The following MEF2C variants were observed in gnomAD, a reference collection of about 807,000 sequenced individuals.
MEF2C encodes the protein myocyte enhancer factor 2C, also known as myocyte-specific enhancer factor 2C.
Under a neutral mutation model 50.5 loss-of-function variants are expected in MEF2C, and 6 were observed. The observed-to-expected ratio is 0.12, with a 90% confidence interval of 0.07 to 0.23. The LOEUF (loss-of-function observed/expected upper bound fraction) is 0.23. MEF2C is among the 10% of genes least tolerant of loss of function. The pLI is 1.00. For synonymous variants in MEF2C, 183 were observed against 228.0 expected, an observed-to-expected ratio of 0.80 and a Z score of 1.78; for missense variants, 276 against 605.0, an observed-to-expected ratio of 0.46 and a Z score of 5.70.
intron 1 of MEF2C, among the ~76,000 whole-genome samples, chr5:88,902,850 A>G (rs930739098): frequency 1.7e-4 from 26 of 151,460 alleles, no homozygotes; most frequent in Admixed American, 9.9e-4. Context: ...ATCAATGTAT[A>G]CTGTTGTTTC....
At chr5:88,801,872 G>A (rs1798521881) in intron 3 of MEF2C, among the ~76,000 whole-genome samples, 2 of 152,146 alleles carry the variant, frequency 1.3e-5, no homozygotes, top group South Asian at 4.1e-4. Context: ...CAGTGATGCA[G>A]CACTTTGAAA....
intron 1 of MEF2C, among the ~76,000 whole-genome samples, chr5:88,859,726 A>G (rs1393873950): frequency 6.6e-6 from 1 of 152,270 alleles, no homozygotes; most frequent in Non-Finnish European, 1.5e-5. Context: ...CTTTGCAGAC[A>G]TGACAGATGT....
chr5:88,867,139 C>T (rs768430779), intron 1 of MEF2C, among the ~76,000 whole-genome samples: 14 of 152,162 alleles, frequency 9.2e-5, no homozygotes, highest in Non-Finnish European at 1.6e-4. Context: ...TTCACATCAA[C>T]AATGTGGAAG....
At chr5:88,731,130 G>T (rs1033969566) in intron 7 of MEF2C, among the ~76,000 whole-genome samples, 4 of 151,990 alleles carry the variant, frequency 2.6e-5, no homozygotes, top group Admixed American at 1.3e-4. Context: ...TATAACCTTT[G>T]TTCCTAAAAT....
chr5:88,877,349 G>A (rs1435343867), intron 1 of MEF2C, among the ~76,000 whole-genome samples: 1 of 151,802 alleles, frequency 6.6e-6, no homozygotes, highest in Non-Finnish European at 1.5e-5. Context: ...GAATTATGGC[G>A]ATGACAAATA....
At chr5:88,769,159 C>G (rs1273589320) in intron 3 of MEF2C, among the ~76,000 whole-genome samples, 2 of 152,162 alleles carry the variant, frequency 1.3e-5, no homozygotes, top group Non-Finnish European at 2.9e-5. Context: ...TAGGAAAGAG[C>G]ACAGGGAAAT....
rs554793415 is a variant in MEF2C, at chr5:88,775,834, T to G, written c.259-14506A>C. ...CTGAAAAATGGAAGGGTATAGAGAGTATTTTTGTGTGTGTGATTTATATAC... is the reference window on the plus strand; with the variant it reads ...CTGAAAAATGGAAGGGTATAGAGAGGATTTTTGTGTGTGTGATTTATATAC... On this transcript the variant is annotated intron_variant, in intron 3 of 10. Coordinates refer to ENST00000504921, the MANE Select transcript of MEF2C (RefSeq NM_002397.5). The G allele has an allele frequency of 2.0e-4, 200 of 982,490 alleles. No homozygotes were observed. The African/African-American group carries it at 3.3e-3, about 16-fold the overall frequency. 60.9% of individuals were successfully genotyped at this position (982,490 alleles called of 1,614,324 possible). A position where few individuals can be genotyped will look rare whatever the true frequency, so the allele number is the denominator to read the frequency against.
At chr5:88,753,196 T>G (rs1159259302) in intron 4 of MEF2C, among the ~76,000 whole-genome samples, 1 of 152,214 alleles carries the variant, frequency 6.6e-6, no homozygotes, top group Non-Finnish European at 1.5e-5. Context: ...CTGTGTAATA[T>G]TTCTCTGTTT....
intron 2 of MEF2C, among the ~76,000 whole-genome samples, chr5:88,810,795 A>AG (rs1802454080): frequency 6.6e-6 from 1 of 152,128 alleles, no homozygotes; most frequent in Non-Finnish European, 1.5e-5. Flanking sequence ...ATGGGTATAT[A>AG]GGAAGGCAGG....
chr5:88,770,890 A>T (rs1782086426), intron 3 of MEF2C, among the ~76,000 whole-genome samples: 1 of 152,204 alleles, frequency 6.6e-6, no homozygotes. Flanking sequence ...TGTGTGTATT[A>T]GCTTGTTCTC....
chr5:88,759,450 C>G (rs958825951), intron 4 of MEF2C, among the ~76,000 whole-genome samples: 1 of 151,694 alleles, frequency 6.6e-6, no homozygotes, highest in Non-Finnish European at 1.5e-5. Context: ...CCATTGCACT[C>G]CAGCCTGGGC....
intron 1 of MEF2C, among the ~76,000 whole-genome samples, chr5:88,872,005 A>G (rs1369390340): frequency 6.6e-6 from 1 of 152,078 alleles, no homozygotes; most frequent in Admixed American, 6.6e-5. Flanking sequence ...TTTATTCAAC[A>G]AATATCTATA....
At position 88,804,591 on chromosome 5, in the gene MEF2C, C is replaced by T. The variant is rs372739987; in HGVS notation, c.258+7G>A. 6.2e-6 allele frequency: 10 copies of T among 1,613,340 alleles called. No homozygotes were observed. Among genetic ancestry groups the T allele is most frequent in the Middle Eastern group, 1.7e-4 (1 of 5,756 alleles). ...AGGCTTGGGGCTCACCACGCATGCT[C>T]TCTCACCTCCACGATGTCTGAGTTT... On this transcript the variant is annotated splice_region_variant and intron_variant, in intron 3 of 10. Transcript: ENST00000504921.
intron 2 of MEF2C, among the ~76,000 whole-genome samples, chr5:88,821,659 A>T (rs925657715): frequency 6.6e-6 from 1 of 151,558 alleles, no homozygotes; most frequent in Non-Finnish European, 1.5e-5. Flanking sequence ...AGAAGGACAC[A>T]TTTTGCATGT....
chr5:88,832,788 C>A (rs1272212100), intron 1 of MEF2C, among the ~76,000 whole-genome samples: 1 of 152,108 alleles, frequency 6.6e-6, no homozygotes, highest in Non-Finnish European at 1.5e-5. Flanking sequence ...ATCAATTACC[C>A]TACTTTCTTG....
At chr5:88,756,726 A>G (rs1179265001) in intron 4 of MEF2C, among the ~76,000 whole-genome samples, 1 of 152,208 alleles carries the variant, frequency 6.6e-6, no homozygotes, top group Non-Finnish European at 1.5e-5. Context: ...AGAAATTGGC[A>G]TTATTCTTTT....
rs1169605093 is a variant in MEF2C, at chr5:88,797,454, C to CTTTTTTT, written c.258+7143_258+7144insAAAAAAA. On this transcript the variant is annotated intron_variant, in intron 3 of 10. Coordinates refer to ENST00000504921, the MANE Select transcript of MEF2C (RefSeq NM_002397.5). ...TCACAGACTAGGATTGCAACCCTTG[C>CTTTTTTT]CTTTTTTTTTTTTTTTTTTTTTTTT... 6.2e-3 allele frequency among the ~76,000 whole-genome samples: 156 copies of CTTTTTTT among 25,218 alleles called. 50 individuals are homozygous for CTTTTTTT. Among genetic ancestry groups the CTTTTTTT allele is most frequent in the Non-Finnish European group, 0.011 (114 of 10,732 alleles). 16.5% of individuals were successfully genotyped at this position (25,218 alleles called of 152,430 possible).
chr5:88,820,756 G>A (rs1020207784), intron 2 of MEF2C, among the ~76,000 whole-genome samples: 1 of 151,930 alleles, frequency 6.6e-6, no homozygotes, highest in Admixed American at 6.6e-5. Context: ...CCAGGTTACG[G>A]GTGCCTCTAC....
At chr5:88,858,381 G>GGAATAAAGGGGGT (rs1824260035) in intron 1 of MEF2C, among the ~76,000 whole-genome samples, 1 of 152,184 alleles carries the variant, frequency 6.6e-6, no homozygotes, top group South Asian at 2.1e-4. Context: ...CATAGAGATT[G>GGAATAAAGGGGGT]GAATAAAGGG....
Sources: allele counts gnomAD v4.1 joint callset (sites outside exome capture counted in the v4.1 genomes callset), GRCh38; gene constraint gnomAD v4.1.1; transcripts MANE v1.5; gene names NCBI Gene and HGNC (gene_info 2026-07-23, HGNC 2026-07-21).